The following EYS variants were observed in gnomAD, a reference collection of about 807,000 sequenced individuals.
EYS encodes the protein EGF-like photoreceptor maintenance factor, also known as protein eyes shut homolog.
Under a neutral mutation model 282.1 loss-of-function variants are expected in EYS, and 250 were observed. The observed-to-expected ratio is 0.89, with a 90% CI of 0.80 to 0.98. The LOEUF (loss-of-function observed/expected upper bound fraction) is 0.98, where lower values mean the gene tolerates loss of function less well. Ranked by LOEUF, EYS falls within the 50% of genes least tolerant of loss-of-function variation. The pLI is 0.00. For synonymous variants in EYS, 1,355 were observed against 1,282.9 expected (o/e 1.06, Z -1.20); for missense variants, 4,016 against 3,709.0 (o/e 1.08, Z -2.15).
chr6:64,137,033 C>A (rs1394702829), intron 31 of EYS, among the ~76,000 whole-genome samples: 1 of 152,148 alleles, frequency 6.6e-6, no homozygotes, highest in Non-Finnish European at 1.5e-5. Flanking sequence ...GTGTAACGAC[C>A]TTCATCAATG....
At chr6:63,913,421 A>G (rs1764327952) in intron 35 of EYS, among the ~76,000 whole-genome samples, 1 of 152,218 alleles carries the variant, frequency 6.6e-6, no homozygotes, top group South Asian at 2.1e-4. Flanking sequence ...GAGTTGTGCA[A>G]ATACCATCAT....
At chr6:63,832,526 A>C (rs1771672878) in intron 36 of EYS, among the ~76,000 whole-genome samples, 3 of 152,224 alleles carry the variant, frequency 2.0e-5, no homozygotes, top group South Asian at 2.1e-4. Flanking sequence ...GAAGACGTTG[A>C]ATCCCTGAAT....
intron 41 of EYS, among the ~76,000 whole-genome samples, chr6:63,735,493 T>TCACACA (rs56885891): frequency 5.2e-4 from 77 of 148,034 alleles, no homozygotes; most frequent in East Asian, 1.4e-3. Flanking sequence ...TCTGTCTCTG[T>TCACACA]CACACACACA....
intron 2 of EYS, among the ~76,000 whole-genome samples, chr6:65,575,042 C>T (rs1764609907): frequency 6.6e-6 from 1 of 152,102 alleles, no homozygotes; most frequent in Non-Finnish European, 1.5e-5. Flanking sequence ...TAAATTATGG[C>T]TGGACGTGGT....
intron 34 of EYS, among the ~76,000 whole-genome samples, chr6:63,990,395 G>C (rs1207753540): frequency 6.6e-6 from 1 of 151,576 alleles, no homozygotes; most frequent in Non-Finnish European, 1.5e-5. Context: ...TTCATTATAG[G>C]TCCACTCCCC....
At chr6:65,553,209 A>G (rs1768664527) in intron 2 of EYS, among the ~76,000 whole-genome samples, 1 of 152,144 alleles carries the variant, frequency 6.6e-6, no homozygotes, top group Non-Finnish European at 1.5e-5. Context: ...ATTTTTGCCA[A>G]GTGGCTTCAT....
At chr6:64,020,581 C>G (rs183923384) in intron 33 of EYS, among the ~76,000 whole-genome samples, 81 of 152,218 alleles carry the variant, frequency 5.3e-4, no homozygotes, top group Middle Eastern at 6.8e-3. Flanking sequence ...TAAAAATTAT[C>G]CAACAATTTC....
At chr6:65,606,973 A>G (rs983223458) in intron 2 of EYS, among the ~76,000 whole-genome samples, 1 of 151,812 alleles carries the variant, frequency 6.6e-6, no homozygotes, top group Non-Finnish European at 1.5e-5. Flanking sequence ...GAGTGAGTAG[A>G]ATATACAAAA....
chr6:65,237,111 G>A (rs1312944449), intron 12 of EYS, among the ~76,000 whole-genome samples: 1 of 152,112 alleles, frequency 6.6e-6, no homozygotes, highest in African/African-American at 2.4e-5. Flanking sequence ...ATAGAGAACT[G>A]GGTAAACCTG....
chr6:65,295,877 A>T lies in EYS; in HGVS notation c.2009T>A (p.Val670Asp), dbSNP rs1293612350. Residue 670 changes from valine to aspartate, a missense_variant, in exon 12 of 43, where the codon GTC (valine) becomes GAC (aspartate). Transcript: ENST00000503581. ...HLRGYFFRKCVPGFKGTQCEI... is the reference protein window; with the variant it reads ...HLRGYFFRKCDPGFKGTQCEI... Reference sequence around the variant, plus strand: ...AAAAAACTTGCCTTTAAATCCTGGGACACACTTGCGGAAGAAATATCCCCT... The same window carrying T: ...AAAAAACTTGCCTTTAAATCCTGGGTCACACTTGCGGAAGAAATATCCCCT... 12 of 1,544,784 alleles carry T rather than the reference A, an allele frequency of 7.8e-6. No homozygotes were observed. The East Asian group carries it at 2.5e-4, about 32-fold the overall frequency.
rs552414564 is a variant in EYS at position 64,856,383 on chromosome 6, C to T, written c.2992+30314G>A. Among the ~76,000 whole-genome samples the T allele has an allele frequency of 4.6e-5, 7 of 152,248 alleles. 1 individual carries two copies. The highest frequency in any genetic ancestry group is 1.7e-4 in the African/African-American group (7 of 41,544). ...TGGCACAATCTCAGTTCACTGCATG[C>T]TCAACTTCCCAGGCTAAGGTGATCT... On this transcript the variant is annotated intron_variant, in intron 19 of 42. Coordinates refer to ENST00000503581, the MANE Select transcript of EYS (RefSeq NM_001142800.2).
At chr6:63,932,736 T>A (rs1259311516) in intron 35 of EYS, among the ~76,000 whole-genome samples, 1 of 151,714 alleles carries the variant, frequency 6.6e-6, no homozygotes, top group Non-Finnish European at 1.5e-5. Context: ...ATGTAGGGGG[T>A]TTTCCCCACA....
intron 28 of EYS, among the ~76,000 whole-genome samples, chr6:64,390,688 A>C (rs1205650463): frequency 1.3e-5 from 2 of 150,930 alleles, no homozygotes; most frequent in African/African-American, 4.9e-5. Flanking sequence ...ACAGAACACA[A>C]AAACTGGAAA....
intron 28 of EYS, among the ~76,000 whole-genome samples, chr6:64,407,821 T>G (rs1390643186): frequency 6.6e-6 from 1 of 152,132 alleles, no homozygotes; most frequent in Admixed American, 6.6e-5. Flanking sequence ...AACCTCCGCC[T>G]CCTGGGTTCA....
intron 31 of EYS, among the ~76,000 whole-genome samples, chr6:64,115,280 C>T (rs1773339221): frequency 6.6e-6 from 1 of 152,052 alleles, no homozygotes; most frequent in Admixed American, 6.6e-5. Context: ...GGTCTGAATG[C>T]CACCATTGCC....
rs189589186 is a variant in EYS, at chr6:64,295,577, A to T, written c.6191+11393T>A. 2.2e-3 allele frequency among the ~76,000 whole-genome samples: 281 copies of T among 126,342 alleles called. 100 individuals carry two copies. The highest frequency in any genetic ancestry group is 8.7e-3 in the African/African-American group (268 of 30,898). The allele number at this position is 126,342 out of a possible 152,430, so 82.9% of individuals were successfully genotyped here. A position where few individuals can be genotyped will look rare whatever the true frequency, so the allele number is the denominator to read the frequency against. On this transcript the variant is annotated intron_variant, in intron 30 of 42. Transcript: ENST00000503581. ...AAGAAAGAAGAAGAAAAGAAGAAGA[A>T]AATTAGCCGGGTGCAGTGGCGGGCG...
intron 40 of EYS, among the ~76,000 whole-genome samples, chr6:63,775,840 A>C (rs1274810195): frequency 6.6e-6 from 1 of 152,168 alleles, no homozygotes; most frequent in East Asian, 1.9e-4. Context: ...AGCTTTATTG[A>C]GGTATAATTT....
chr6:64,692,977 C>CTTTATT (rs745410255), intron 22 of EYS, among the ~76,000 whole-genome samples: 1 of 11,496 alleles, frequency 8.7e-5, no homozygotes, highest in Non-Finnish European at 1.6e-4. Flanking sequence ...GCTGCTTGGG[C>CTTTATT]TTTTTTTTTT....
At chr6:65,683,865 T>C (rs1768915651) in intron 1 of EYS, among the ~76,000 whole-genome samples, 2 of 152,162 alleles carry the variant, frequency 1.3e-5, no homozygotes, top group South Asian at 4.1e-4. Flanking sequence ...CAACCATGTA[T>C]AATTAAAGCC....
Sources: gnomAD v4.1 joint callset for allele counts (sites outside exome capture counted in the v4.1 genomes callset) on GRCh38, gnomAD v4.1.1 for gene constraint, MANE v1.5 for transcripts, NCBI Gene and HGNC (gene_info 2026-07-23, HGNC 2026-07-21) for gene names.